The following HIBADH variants were observed in gnomAD, a reference collection of about 807,000 sequenced individuals.
HIBADH encodes 3-hydroxyisobutyrate dehydrogenase, also known as 3-hydroxyisobutyrate dehydrogenase, mitochondrial.
In HIBADH, 25 loss-of-function variants were observed where a neutral mutation model predicts 36.1. The observed-to-expected ratio is 0.69, with a 90% CI of 0.50 to 0.97. The LOEUF is 0.97. Ranked by LOEUF, HIBADH falls within the 50% of genes least tolerant of loss-of-function variation. HIBADH has a pLI of 0.00. For missense variants in HIBADH, 421 were observed against 418.0 expected (o/e 1.01, Z -0.06); for synonymous variants, 160 against 149.5 (o/e 1.07, Z -0.51).
chr7:27,588,503 A>T (rs566337526), intron 4 of HIBADH, among the ~76,000 whole-genome samples: 4 of 151,072 alleles, frequency 2.6e-5, no homozygotes, highest in African/African-American at 9.7e-5. Flanking sequence ...AAGATTTTAA[A>T]AATTGCTTGT....
intron 4 of HIBADH, among the ~76,000 whole-genome samples, chr7:27,551,914 A>G (rs1784324280): frequency 6.6e-6 from 1 of 152,196 alleles, no homozygotes; most frequent in South Asian, 2.1e-4. Flanking sequence ...CAATTGTTCT[A>G]ATCATTTTCT....
rs1193518634 is a variant in HIBADH, at chr7:27,621,566, C to A, written c.484+7805G>T. On this transcript the variant is annotated intron_variant, in intron 4 of 7. Coordinates refer to ENST00000265395, the MANE Select transcript of HIBADH (RefSeq NM_152740.4). ...CAGCACCTTGGGAGGCCAAGGCAGG[C>A]AGATCACTTGAGGTCAGCGGTTTGA... Among the ~76,000 whole-genome samples, 7 of 151,744 alleles carry A rather than the reference C, an allele frequency of 4.6e-5. No individual in the cohort carries two copies. In the East Asian group the frequency reaches 9.8e-4, roughly 21 times the overall value.
intron 6 of HIBADH, among the ~76,000 whole-genome samples, chr7:27,531,685 A>G (rs1206646769): frequency 6.6e-6 from 1 of 152,218 alleles, no homozygotes; most frequent in Non-Finnish European, 1.5e-5. Context: ...TACTACATTT[A>G]TATGTCACAT....
intron 4 of HIBADH, among the ~76,000 whole-genome samples, chr7:27,623,844 C>A (rs538209048): frequency 2.8e-4 from 42 of 152,190 alleles, no homozygotes; most frequent in Non-Finnish European, 5.9e-4. Flanking sequence ...GTCACCCAGG[C>A]TGGAGTGCAA....
chr7:27,594,228 C>T (rs1193635429), intron 4 of HIBADH, among the ~76,000 whole-genome samples: 6 of 150,704 alleles, frequency 4.0e-5, no homozygotes, highest in Non-Finnish European at 8.9e-5. Context: ...ACTGCAACCT[C>T]CTCCTCCTGG....
chr7:27,604,498 A>G (rs1785186418), intron 4 of HIBADH, among the ~76,000 whole-genome samples: 1 of 152,066 alleles, frequency 6.6e-6, no homozygotes, highest in South Asian at 2.1e-4. Context: ...ACAACAAGCC[A>G]AGAAGCAATT....
intron 6 of HIBADH, among the ~76,000 whole-genome samples, chr7:27,533,994 A>G (rs975877175): frequency 6.6e-6 from 1 of 152,228 alleles, no homozygotes; most frequent in Non-Finnish European, 1.5e-5. Context: ...GCGTGCATGC[A>G]TGTGGCTTTA....
chr7:27,610,523 A>G (rs1193089366), intron 4 of HIBADH, among the ~76,000 whole-genome samples: 1 of 152,248 alleles, frequency 6.6e-6, no homozygotes, highest in Non-Finnish European at 1.5e-5. Context: ...TGTGTGTAAC[A>G]AAAATAAATT....
chr7:27,536,353 C>A (rs1412721708), intron 6 of HIBADH, among the ~76,000 whole-genome samples: 1 of 151,984 alleles, frequency 6.6e-6, no homozygotes, highest in Admixed American at 6.6e-5. Flanking sequence ...TTAAGTATAA[C>A]TAGTGAGTTT....
At chr7:27,614,976 C>T (rs1785401195) in intron 4 of HIBADH, among the ~76,000 whole-genome samples, 1 of 152,146 alleles carries the variant, frequency 6.6e-6, no homozygotes, top group African/African-American at 2.4e-5. Context: ...AGAATAGTGG[C>T]TTCTCAATGA....
chr7:27,576,740 C>T (rs1302242978), intron 4 of HIBADH, among the ~76,000 whole-genome samples: 9 of 152,170 alleles, frequency 5.9e-5, no homozygotes, highest in Non-Finnish European at 1.5e-5. Context: ...AAAAGCTCTC[C>T]TGCTTCTACC....
intron 4 of HIBADH, among the ~76,000 whole-genome samples, chr7:27,598,999 A>C (rs893430919): frequency 6.6e-5 from 10 of 152,044 alleles, no homozygotes; most frequent in Admixed American, 1.3e-4. Flanking sequence ...GCATAAAGTG[A>C]GTACAATTCA....
chr7:27,654,192 A>T (rs147728542), intron 1 of HIBADH, among the ~76,000 whole-genome samples: 15 of 152,184 alleles, frequency 9.9e-5, no homozygotes, highest in Admixed American at 9.8e-4. Context: ...TATTCAAAAC[A>T]CAAAGAAAAA....
chr7:27,573,593 A>T (rs996546135), intron 4 of HIBADH, among the ~76,000 whole-genome samples: 1 of 152,174 alleles, frequency 6.6e-6, no homozygotes, highest in Non-Finnish European at 1.5e-5. Flanking sequence ...AATTCTGTAA[A>T]TTTCCTTGCA....
intron 6 of HIBADH, among the ~76,000 whole-genome samples, chr7:27,537,272 C>G (rs766369696): frequency 3.9e-5 from 6 of 152,142 alleles, no homozygotes; most frequent in Non-Finnish European, 8.8e-5. Flanking sequence ...GCAAATTCCT[C>G]TTTTATCTCA....
chr7:27,623,426 T>G (rs1034421753), intron 4 of HIBADH, among the ~76,000 whole-genome samples: 2 of 152,044 alleles, frequency 1.3e-5, no homozygotes, highest in Non-Finnish European at 2.9e-5. Context: ...GAGAAAGAAA[T>G]AAAAGTCATC....
chr7:27,532,395 TAAAC>T (rs1027000333), intron 6 of HIBADH, among the ~76,000 whole-genome samples: 3 of 152,246 alleles, frequency 2.0e-5, no homozygotes, highest in Admixed American at 6.5e-5. Context: ...ATGTAAATGT[TAAAC>T]AAACTGTGCA....
intron 2 of HIBADH, among the ~76,000 whole-genome samples, chr7:27,636,051 A>C (rs1394576855): frequency 1.3e-5 from 2 of 152,246 alleles, no homozygotes; most frequent in African/African-American, 2.4e-5. Context: ...AATAAATTAA[A>C]AATCTGTTTA....
At chr7:27,629,970 G>A (rs1212490731) in intron 3 of HIBADH, among the ~76,000 whole-genome samples, 1 of 150,148 alleles carries the variant, frequency 6.7e-6, no homozygotes, top group African/African-American at 2.5e-5. Context: ...ATAAACATAA[G>A]CAATTAAAAT....
Sources: allele counts gnomAD v4.1 joint callset (sites outside exome capture counted in the v4.1 genomes callset), GRCh38; gene constraint gnomAD v4.1.1; transcripts MANE v1.5; gene names NCBI Gene and HGNC (gene_info 2026-07-23, HGNC 2026-07-21).